Variants in POLR2B observed in about 807,000 individuals in gnomAD.
The protein encoded by POLR2B is DNA-directed RNA polymerase II subunit RPB2.
POLR2B carries 57 observed loss-of-function variants against 144.6 expected under a neutral mutation model. The observed-to-expected ratio is 0.39, with a 90% confidence interval of 0.32 to 0.49. The LOEUF (loss-of-function observed/expected upper bound fraction) is 0.49. POLR2B is among the 20% of genes least tolerant of loss of function. The pLI is 0.83. For missense variants in POLR2B, 595 were observed against 1,467.4 expected (o/e 0.41, Z 9.71); for synonymous variants, 442 against 469.8 (o/e 0.94, Z 0.77).
At position 57,017,787 on chromosome 4, in the gene POLR2B, G is replaced by A. The variant is rs1578586794; in HGVS notation, c.2323+59G>A. ...CCTTCTGTGCTTAAGGCACTTTTCT[G>A]GGTGCTTGGGAGGATTAAAAAATAA... On this transcript the variant is annotated intron_variant, in intron 16 of 24. Transcript: ENST00000314595. The surrounding 1 kb of genome is among the most constrained non-coding windows in gnomAD (Gnocchi z 4.8). The A allele has an allele frequency of 5.6e-6, 7 of 1,261,168 alleles. No homozygotes were observed. In the East Asian group the frequency reaches 1.7e-4, roughly 30 times the overall value. The allele number at this position is 1,261,168 out of a possible 1,614,324, so 78.1% of individuals were successfully genotyped here.
At chr4:56,989,070 T>G (rs1316541016) in intron 2 of POLR2B, among the ~76,000 whole-genome samples, 1 of 152,230 alleles carries the variant, frequency 6.6e-6, no homozygotes, top group African/African-American at 2.4e-5. Flanking sequence ...CTTGTGAATG[T>G]GATATTAGTT....
At chr4:57,003,232 C>T (rs1277751569) in intron 7 of POLR2B, among the ~76,000 whole-genome samples, 2 of 147,732 alleles carry the variant, frequency 1.4e-5, no homozygotes, top group African/African-American at 5.0e-5. Flanking sequence ...GAGATCGAGA[C>T]CATCCTGGCC....
chr4:56,999,210 CT>C (rs1722779032), intron 6 of POLR2B, among the ~76,000 whole-genome samples: 1 of 63,662 alleles, frequency 1.6e-5, no homozygotes, highest in Non-Finnish European at 2.7e-5. Flanking sequence ...TCTGTATTGT[CT>C]CTTTTTTTTT....
At chr4:56,985,082 T>C (rs563807156) in intron 1 of POLR2B, among the ~76,000 whole-genome samples, 1 of 152,104 alleles carries the variant, frequency 6.6e-6, no homozygotes, top group Non-Finnish European at 1.5e-5. Context: ...ATCTGTAGTA[T>C]TGACTATGTC....
intron 23 of POLR2B, among the ~76,000 whole-genome samples, chr4:57,028,266 A>G (rs1248492109): frequency 6.6e-6 from 1 of 152,150 alleles, no homozygotes; most frequent in Non-Finnish European, 1.5e-5. Flanking sequence ...TTCACTATGC[A>G]GTAGAAGTGC....
At chr4:57,012,372 T>C (rs990790053) in intron 13 of POLR2B, among the ~76,000 whole-genome samples, 7 of 151,748 alleles carry the variant, frequency 4.6e-5, no homozygotes, top group Non-Finnish European at 1.0e-4. Flanking sequence ...ACCATTGTAC[T>C]CCAGCCTGGG....
At chr4:57,016,961 A>G in intron 14 of POLR2B, 82 bp from the exon 15 acceptor site, 3 of 465,962 alleles carry the variant, frequency 6.4e-6, no homozygotes, top group Middle Eastern at 6.3e-4. Context: ...ATTTAAATAT[A>G]AATATAGGAA....
chr4:56,997,358 A>G (rs1050873341), intron 6 of POLR2B, among the ~76,000 whole-genome samples: 2 of 151,928 alleles, frequency 1.3e-5, no homozygotes, highest in Non-Finnish European at 2.9e-5. Flanking sequence ...TCCTGGCCCA[A>G]GCGATTCTCG....
rs145827269 is a variant in POLR2B, at chr4:56,982,890, G to A, written c.20-3464G>A. Among the ~76,000 whole-genome samples, 76 of 152,138 alleles carry A rather than the reference G, an allele frequency of 5.0e-4. 1 individual carries two copies. The South Asian group carries it at 0.014, about 28-fold the overall frequency. On this transcript the variant is annotated intron_variant, in intron 1 of 24. Transcript: ENST00000314595. Reference sequence around the variant, plus strand: ...TCTGTTGTTGAAACCGAAAGCCTGGGCATCATTTTTGACTCCTCTCTTTCA... The same window carrying A: ...TCTGTTGTTGAAACCGAAAGCCTGGACATCATTTTTGACTCCTCTCTTTCA...
rs368212260 is a variant in POLR2B at position 57,025,419 on chromosome 4, A to G, written c.3121A>G (p.Ile1041Val). 1 of 1,613,372 alleles carries G rather than the reference A, an allele frequency of 6.2e-7. No individual in the cohort carries two copies. The change falls in exon 23 of 25, where the codon ATA becomes GTA. Residue 1041 changes from isoleucine (I) to valine (V), a missense_variant. By Grantham distance (29) the Ile-to-Val change is conservative (BLOSUM62 3). Coordinates refer to ENST00000314595, the MANE Select transcript of POLR2B (RefSeq NM_000938.3). ...CACTGGTCGAAAAATCACATCACAA[A>G]TATTTATTGGCCCCACTTATTACCA... ...GFTGRKITSQ[I>V]FIGPTYYQRL...
rs545512278 is a variant in POLR2B, at chr4:56,986,153, C to T, written c.20-201C>T. ...CTTACATTGAACCTTTCTAATAAAC[C>T]TCTTTTTATATTGGAAGAATACCTG... is the stretch of plus-strand genomic sequence containing the variant. On this transcript the variant is annotated intron_variant, in intron 1 of 24. Transcript: ENST00000314595. 3.8e-4 allele frequency: 215 copies of T among 568,858 alleles called. 2 individuals are homozygous for T. Among genetic ancestry groups the T allele is most frequent in the African/African-American group, 3.6e-3 (191 of 52,870 alleles). 35.2% of individuals were successfully genotyped at this position (568,858 alleles called of 1,614,324 possible).
At chr4:57,007,070 T>C in intron 10 of POLR2B, 68 bp downstream of exon 10, 1 of 1,118,842 alleles carries the variant, frequency 8.9e-7, no homozygotes, top group Non-Finnish European at 1.3e-6. Flanking sequence ...GATTCTTTTG[T>C]TTGTTGAATA....
At chr4:57,003,218 T>C (rs1722907852) in intron 7 of POLR2B, among the ~76,000 whole-genome samples, 1 of 151,308 alleles carries the variant, frequency 6.6e-6, no homozygotes, top group Admixed American at 6.6e-5. Flanking sequence ...GATCACGAGG[T>C]CAGGAGATCG....
chr4:57,005,845 C>A, intron 9 of POLR2B, 126 bp downstream of exon 9: 1 of 792,054 alleles, frequency 1.3e-6, no homozygotes. Flanking sequence ...TAGCTACATT[C>A]TTATTGCTAT....
At chr4:57,013,937 C>T (rs1723281682) in intron 13 of POLR2B, among the ~76,000 whole-genome samples, 1 of 143,454 alleles carries the variant, frequency 7.0e-6, no homozygotes, top group South Asian at 2.2e-4. Flanking sequence ...CATATCAAGA[C>T]CATGTTTATA....
intron 13 of POLR2B, among the ~76,000 whole-genome samples, chr4:57,014,912 G>C (rs1229354952): frequency 6.6e-6 from 1 of 151,824 alleles, no homozygotes; most frequent in Non-Finnish European, 1.5e-5. Flanking sequence ...TTCTGGTTTG[G>C]TGCTGTCTTT....
chr4:56,992,157 A>G (rs553312752), intron 3 of POLR2B, among the ~76,000 whole-genome samples: 1 of 152,274 alleles, frequency 6.6e-6, no homozygotes, highest in Non-Finnish European at 1.5e-5. Flanking sequence ...GTGCTTAGTC[A>G]TTTCAGCAAG....
chr4:56,986,446 A>T lies in POLR2B; in HGVS notation c.92+20A>T, dbSNP rs112230826. On this transcript the variant is annotated intron_variant, in intron 2 of 24. Transcript: ENST00000314595. ...AATCAGGTAACTTTGGACCAAACTG[A>T]ATTAGCCTGAAAAGGCACTTTAGAT... 2 of 1,532,620 alleles carry T rather than the reference A, an allele frequency of 1.3e-6. No individual in the cohort carries two copies. The highest frequency in any genetic ancestry group is 1.4e-5 in the African/African-American group (1 of 73,442). 94.9% of individuals were successfully genotyped at this position (1,532,620 alleles called of 1,614,324 possible). A position where few individuals can be genotyped will look rare whatever the true frequency, so the allele number is the denominator to read the frequency against.
intron 6 of POLR2B, among the ~76,000 whole-genome samples, chr4:56,998,560 G>A (rs1057178998): frequency 2.0e-5 from 3 of 152,006 alleles, no homozygotes; most frequent in Non-Finnish European, 4.4e-5. Flanking sequence ...GTCCCACTAT[G>A]TTGCCCAGGT....
Sources: allele counts gnomAD v4.1 joint callset (sites outside exome capture counted in the v4.1 genomes callset), GRCh38; gene constraint gnomAD v4.1.1; non-coding constraint Gnocchi (gnomAD v3.1); transcripts MANE v1.5; gene names NCBI Gene and HGNC (gene_info 2026-07-23, HGNC 2026-07-21).